CDH12: variants seen among roughly 807,000 people sequenced by gnomAD.
CDH12 encodes the protein cadherin-12.
A neutral mutation model predicts 74.1 loss-of-function variants in CDH12; 41 were observed. The ratio of observed to expected loss-of-function variants is 0.55; its 90% confidence interval spans 0.43 to 0.72. The LOEUF (loss-of-function observed/expected upper bound fraction) is 0.72. CDH12 is among the 30% of genes least tolerant of loss of function. The probability of loss-of-function intolerance (pLI) is 0.00; values close to 1 mark genes in which losing one functional copy is unlikely to be tolerated. For missense variants in CDH12, 945 were observed against 977.2 expected, an observed-to-expected ratio of 0.97 and a Z score of 0.44; for synonymous variants, 399 against 355.0, an observed-to-expected ratio of 1.12 and a Z score of -1.39.
chr5:21,836,401 A>G (rs1749538414), intron 8 of CDH12, among the ~76,000 whole-genome samples: 1 of 151,266 alleles, frequency 6.6e-6, no homozygotes, highest in African/African-American at 2.4e-5. Context: ...ACTATTTTCT[A>G]TGTTCAAATC....
intron 1 of CDH12, among the ~76,000 whole-genome samples, chr5:22,617,066 G>A (rs1221269306): frequency 6.6e-6 from 1 of 151,756 alleles, no homozygotes; most frequent in African/African-American, 2.4e-5. Context: ...GTACAGACAA[G>A]GTCTCATTAT....
At chr5:22,844,879 A>G (rs1007116112) in intron 1 of CDH12, among the ~76,000 whole-genome samples, 2 of 152,160 alleles carry the variant, frequency 1.3e-5, no homozygotes, top group African/African-American at 4.8e-5. Flanking sequence ...AGATTAAGTC[A>G]TTTAATTGCT....
At chr5:22,619,108 A>G (rs1038003990) in intron 1 of CDH12, among the ~76,000 whole-genome samples, 2 of 151,948 alleles carry the variant, frequency 1.3e-5, no homozygotes, top group African/African-American at 4.8e-5. Context: ...TATTTTTCCT[A>G]TTTGTGTGAG....
At chr5:22,253,258 A>G (rs1164124062) in intron 3 of CDH12, among the ~76,000 whole-genome samples, 2 of 152,006 alleles carry the variant, frequency 1.3e-5, no homozygotes, top group Non-Finnish European at 2.9e-5. Context: ...TGTTCAAGGT[A>G]CAGCATGACT....
chr5:22,550,509 CT>C (rs2126732608), intron 1 of CDH12, among the ~76,000 whole-genome samples: 1 of 152,282 alleles, frequency 6.6e-6, no homozygotes, highest in African/African-American at 2.4e-5. Flanking sequence ...CTTAATTCCT[CT>C]CTTTTCCTCA....
chr5:21,860,042 G>T (rs1461617319), intron 6 of CDH12, among the ~76,000 whole-genome samples: 3 of 151,902 alleles, frequency 2.0e-5, no homozygotes, highest in Non-Finnish European at 2.9e-5. Flanking sequence ...CTGCTGAGGT[G>T]CTTGCTGAAG....
intron 3 of CDH12, among the ~76,000 whole-genome samples, chr5:22,237,474 T>C (rs138756390): frequency 0.01 from 1,594 of 152,242 alleles, 9 homozygotes; most frequent in Non-Finnish European, 0.015. Flanking sequence ...ACAAATGTGA[T>C]GTGTCCTTAT....
chr5:22,237,433 C>T (rs1186036175), intron 3 of CDH12, among the ~76,000 whole-genome samples: 1 of 152,038 alleles, frequency 6.6e-6, no homozygotes, highest in African/African-American at 2.4e-5. Flanking sequence ...ACAGGTTGGG[C>T]CTTTGGGAGG....
intron 6 of CDH12, among the ~76,000 whole-genome samples, chr5:21,961,156 G>T (rs1756343832): frequency 6.6e-6 from 1 of 152,092 alleles, no homozygotes; most frequent in South Asian, 2.1e-4. Flanking sequence ...AACTATGACT[G>T]AAAGTCTTTC....
chr5:22,495,080 T>C (rs920119979), intron 2 of CDH12, among the ~76,000 whole-genome samples: 3 of 152,172 alleles, frequency 2.0e-5, no homozygotes, highest in Non-Finnish European at 2.9e-5. Flanking sequence ...TTATCCTATA[T>C]TTCACCCCTT....
intron 3 of CDH12, among the ~76,000 whole-genome samples, chr5:22,283,217 G>GATATATAT (rs1309819565): frequency 1.3e-5 from 1 of 78,100 alleles, no homozygotes; most frequent in South Asian, 4.6e-4. Context: ...TATATATATA[G>GATATATAT]ATATATATAT....
chr5:22,261,637 G>A (rs1320124816), intron 3 of CDH12, among the ~76,000 whole-genome samples: 2 of 151,902 alleles, frequency 1.3e-5, no homozygotes, highest in South Asian at 2.1e-4. Context: ...TCTAAGTAAC[G>A]CAAATATAAA....
At chr5:22,230,125 T>C (rs918162507) in intron 3 of CDH12, among the ~76,000 whole-genome samples, 1 of 152,118 alleles carries the variant, frequency 6.6e-6, no homozygotes, top group Non-Finnish European at 1.5e-5. Context: ...TATGAAAAGC[T>C]CAATTTGTTA....
At chr5:22,118,883 T>C (rs766137104) in intron 4 of CDH12, among the ~76,000 whole-genome samples, 29 of 152,096 alleles carry the variant, frequency 1.9e-4, no homozygotes, top group Middle Eastern at 3.4e-3. Context: ...AGGAGTATAG[T>C]TGGGGTGGGG....
intron 1 of CDH12, among the ~76,000 whole-genome samples, chr5:22,849,405 G>A (rs1175908874): frequency 2.0e-5 from 3 of 151,940 alleles, no homozygotes; most frequent in Non-Finnish European, 4.4e-5. Flanking sequence ...CCAGGAAATT[G>A]GAATTATAGA....
chr5:22,569,280 G>C (rs918223346), intron 1 of CDH12, among the ~76,000 whole-genome samples: 2 of 152,144 alleles, frequency 1.3e-5, no homozygotes, highest in African/African-American at 4.8e-5. Context: ...TCTTGCAATA[G>C]TAAGTATTCT....
chr5:22,010,472 A>T (rs1039789519), intron 5 of CDH12, among the ~76,000 whole-genome samples: 4 of 152,110 alleles, frequency 2.6e-5, no homozygotes, highest in Non-Finnish European at 5.9e-5. Context: ...GCCCCGCTTC[A>T]CCCAAATCAT....
At chr5:21,901,979 A>G (rs1206588854) in intron 6 of CDH12, among the ~76,000 whole-genome samples, 1 of 152,190 alleles carries the variant, frequency 6.6e-6, no homozygotes. Flanking sequence ...ACGTGCAGAG[A>G]TTACAATAAT....
chr5:21,805,689 C>T (rs1262416028), intron 9 of CDH12, among the ~76,000 whole-genome samples: 3 of 152,132 alleles, frequency 2.0e-5, no homozygotes, highest in Admixed American at 1.3e-4. Context: ...ACCTACACAT[C>T]TGACTGACTA....
Sources: gnomAD v4.1 joint callset for allele counts (sites outside exome capture counted in the v4.1 genomes callset) on GRCh38, gnomAD v4.1.1 for gene constraint, MANE v1.5 for transcripts, NCBI Gene and HGNC (gene_info 2026-07-23, HGNC 2026-07-21) for gene names.